RBM26: variants seen among roughly 807,000 people sequenced by gnomAD.
RBM26 encodes the protein RNA-binding protein 26.
A neutral mutation model predicts 123.6 loss-of-function variants in RBM26; 30 were observed. The ratio of observed to expected loss-of-function variants is 0.24; its 90% CI spans 0.18 to 0.33. The LOEUF (loss-of-function observed/expected upper bound fraction) is 0.33. Among genes scored for constraint, RBM26 ranks in the 10% least tolerant of loss-of-function variants. RBM26 has a pLI of 1.00. For synonymous variants in RBM26, 400 were observed against 404.4 expected (o/e 0.99, Z 0.13); for missense variants, 947 against 1,203.6 (o/e 0.79, Z 3.15).
chr13:79,314,226 T>C (rs2066984909), downstream of RBM26: 1 of 151,740 alleles, frequency 6.6e-6, no homozygotes, highest in Non-Finnish European at 1.5e-5. Context: ...CACACAACAC[T>C]ATTTCCTCTT....
At chr13:79,373,796 TCA>T (rs935999773) in intron 3 of RBM26, among the ~76,000 whole-genome samples, 2 of 144,746 alleles carry the variant, frequency 1.4e-5, no homozygotes, top group Non-Finnish European at 3.0e-5. Context: ...CTCCAGTTTC[TCA>T]CAGCAGCATG....
rs755874111 is a variant in RBM26, at chr13:79,370,953, C to T, written c.626G>A (p.Arg209Gln). The change falls in exon 5 of 22, where the codon CGA becomes CAA. Residue 209 changes from arginine to glutamine, a missense_variant. Arg to Gln is a conservative substitution (Grantham distance 43). Transcript: ENST00000438737. ...CAAAATATATTATTTACCCCTGCTT[C>T]GTGTTCTGCTTCTGCTTCTAGTCCT... ...RSRTRSRSRT[R>Q]SRERDLVKPK... The T allele has an allele frequency of 6.3e-7, 1 of 1,598,288 alleles. No homozygotes were observed. The highest frequency in any genetic ancestry group is 8.6e-7 in the Non-Finnish European group (1 of 1,165,520).
At chr13:79,405,668 G>T in intron 1 of RBM26, 36 bp downstream of exon 1, 1 of 1,475,046 alleles carries the variant, frequency 6.8e-7, no homozygotes, top group Non-Finnish European at 9.3e-7. Flanking sequence ...ATCTCCCACT[G>T]CCATCCCTGC....
intron 1 of RBM26, among the ~76,000 whole-genome samples, chr13:79,397,604 C>T (rs2078688866): frequency 7.0e-6 from 1 of 143,090 alleles, no homozygotes; most frequent in South Asian, 2.2e-4. Flanking sequence ...ATCGCGTGAA[C>T]CCGGGAGGTG....
chr13:79,316,232 T>TGTGTGTGTGTGTGTGTGTGTGTGG (rs771502260), downstream of RBM26, among the ~76,000 whole-genome samples: 1 of 130,048 alleles, frequency 7.7e-6, no homozygotes, highest in African/African-American at 3.0e-5. Context: ...TGTGTGTGTG[T>TGTGTGTGTGTGTGTGTGTGTGTGG]TGGGTGGAGC....
At chr13:79,352,802 G>A (rs924438839) in intron 14 of RBM26, among the ~76,000 whole-genome samples, 1 of 152,100 alleles carries the variant, frequency 6.6e-6, no homozygotes, top group Non-Finnish European at 1.5e-5. Context: ...AAGAGCCAGG[G>A]CTCAAACTCA....
At chr13:79,328,021 A>G (rs1003096799) in intron 20 of RBM26, among the ~76,000 whole-genome samples, 5 of 152,194 alleles carry the variant, frequency 3.3e-5, no homozygotes, top group Non-Finnish European at 5.9e-5. Flanking sequence ...TGTAAAAAGT[A>G]CTGAAGAACT....
intron 1 of RBM26, among the ~76,000 whole-genome samples, chr13:79,404,055 A>G (rs2079292103): frequency 6.6e-6 from 1 of 152,138 alleles, no homozygotes; most frequent in South Asian, 2.1e-4. Flanking sequence ...CTTAAATACT[A>G]TCTGCATGAC....
At chr13:79,378,492 T>C (rs1381537837) in intron 2 of RBM26, among the ~76,000 whole-genome samples, 1 of 152,168 alleles carries the variant, frequency 6.6e-6, no homozygotes, top group Non-Finnish European at 1.5e-5. Context: ...CAGGCTGGAG[T>C]GCAGTAGCGC....
exon 5 of RBM26, chr13:79,313,017 T>TA (rs1465917604): frequency 1.3e-5 from 2 of 151,762 alleles, no homozygotes; most frequent in African/African-American, 4.8e-5. Context: ...TAAACTCTAT[T>TA]AAAAAAACAA....
intron 1 of RBM26, among the ~76,000 whole-genome samples, chr13:79,384,385 G>T (rs1171891260): frequency 6.6e-6 from 1 of 151,808 alleles, no homozygotes; most frequent in Non-Finnish European, 1.5e-5. Context: ...TGCCTCCCCA[G>T]TAGCTAGGAC....
chr13:79,313,964 T>C (rs2066976754), downstream of RBM26: 1 of 151,556 alleles, frequency 6.6e-6, no homozygotes, highest in Non-Finnish European at 1.5e-5. Flanking sequence ...ACTTTTCTAA[T>C]ATAGTTACTA....
chr13:79,392,207 CAAT>C (rs1394890089), intron 1 of RBM26, among the ~76,000 whole-genome samples: 4 of 18,484 alleles, frequency 2.2e-4, no homozygotes, highest in African/African-American at 3.2e-4. Flanking sequence ...ATATATTATA[CAAT>C]AATACATAAT....
chr13:79,367,620 C>G (rs969690764), intron 6 of RBM26, among the ~76,000 whole-genome samples: 2 of 151,736 alleles, frequency 1.3e-5, no homozygotes, highest in Non-Finnish European at 1.5e-5. Context: ...CCTCCCCCAC[C>G]ACCAACCCCA....
chr13:79,330,820 A>C (rs535946494), intron 20 of RBM26, among the ~76,000 whole-genome samples: 2 of 152,154 alleles, frequency 1.3e-5, no homozygotes, highest in African/African-American at 2.4e-5. Context: ...CTTGAGTTCA[A>C]TGCACATGGC....
intron 1 of RBM26, among the ~76,000 whole-genome samples, chr13:79,394,726 T>A (rs928240283): frequency 6.6e-6 from 1 of 152,154 alleles, no homozygotes; most frequent in Non-Finnish European, 1.5e-5. Flanking sequence ...CTCCGCCTCC[T>A]GGGTTCAAGC....
At chr13:79,372,195 C>T (rs899674582) in intron 3 of RBM26, among the ~76,000 whole-genome samples, 2 of 152,136 alleles carry the variant, frequency 1.3e-5, no homozygotes, top group Non-Finnish European at 2.9e-5. Flanking sequence ...AAGAGAATCG[C>T]TTGAACCTGG....
At chr13:79,328,197 T>C (rs2138619405) in intron 20 of RBM26, among the ~76,000 whole-genome samples, 1 of 152,216 alleles carries the variant, frequency 6.6e-6, no homozygotes, top group East Asian at 1.9e-4. Context: ...TGAAAGTGAG[T>C]AATAATTGGG....
intron 14 of RBM26, among the ~76,000 whole-genome samples, chr13:79,347,789 GTCTC>G (rs1235616999): frequency 1.4e-5 from 2 of 142,812 alleles, no homozygotes; most frequent in Non-Finnish European, 3.1e-5. Context: ...GCACCCATGA[GTCTC>G]TCCAGTACAA....
Sources: gnomAD v4.1 joint callset for allele counts (sites outside exome capture counted in the v4.1 genomes callset) on GRCh38, gnomAD v4.1.1 for gene constraint, MANE v1.5 for transcripts, NCBI Gene and HGNC (gene_info 2026-07-23, HGNC 2026-07-21) for gene names.